The following GPC5 variants were observed in gnomAD, a reference collection of about 807,000 sequenced individuals.
The protein encoded by GPC5 is glypican-5.
In GPC5, 47 loss-of-function variants were observed where a neutral mutation model predicts 53.9. That is an observed-to-expected ratio of 0.87 (90% CI 0.69 to 1.11). The LOEUF is 1.11. Ranked by LOEUF, GPC5 falls within the 50% of genes most tolerant of loss-of-function variation. GPC5 has a pLI of 0.00. For missense variants in GPC5, 748 were observed against 713.1 expected (o/e 1.05, Z -0.56); for synonymous variants, 286 against 263.3 (o/e 1.09, Z -0.84).
chr13:92,729,404 A>G (rs777742849), intron 7 of GPC5, among the ~76,000 whole-genome samples: 1 of 151,444 alleles, frequency 6.6e-6, no homozygotes, highest in Non-Finnish European at 1.5e-5. Flanking sequence ...CACACAATGT[A>G]TTTCAAAATC....
chr13:92,778,247 GA>G (rs1434392059), intron 7 of GPC5, among the ~76,000 whole-genome samples: 19 of 151,552 alleles, frequency 1.3e-4, no homozygotes, highest in African/African-American at 4.1e-4. Flanking sequence ...GTTTTATAAA[GA>G]ATGCTTCCAG....
At chr13:91,657,825 A>G (rs2034884840) in intron 2 of GPC5, among the ~76,000 whole-genome samples, 1 of 152,140 alleles carries the variant, frequency 6.6e-6, no homozygotes, top group South Asian at 2.1e-4. Context: ...ACAATATAGA[A>G]AGACTCAGTT....
intron 7 of GPC5, among the ~76,000 whole-genome samples, chr13:92,255,901 T>A (rs1211246416): frequency 6.6e-6 from 1 of 152,128 alleles, no homozygotes; most frequent in Non-Finnish European, 1.5e-5. Flanking sequence ...ACAGAGTGTT[T>A]AGAAGGAAGG....
chr13:91,494,454 C>A (rs865997219), intron 2 of GPC5, among the ~76,000 whole-genome samples: 1 of 151,952 alleles, frequency 6.6e-6, no homozygotes, highest in South Asian at 2.1e-4. Flanking sequence ...CTAGAATGTA[C>A]TTTCTCCAGC....
At chr13:92,395,652 G>A (rs945345297) in intron 7 of GPC5, among the ~76,000 whole-genome samples, 1 of 151,794 alleles carries the variant, frequency 6.6e-6, no homozygotes, top group African/African-American at 2.4e-5. Flanking sequence ...TCTTTATTTT[G>A]CCTTCACTTT....
At chr13:92,111,460 C>T (rs547574134) in intron 6 of GPC5, among the ~76,000 whole-genome samples, 17 of 151,990 alleles carry the variant, frequency 1.1e-4, no homozygotes, top group Non-Finnish European at 1.0e-4. Flanking sequence ...GCAAATGAAA[C>T]AAGATTCTGT....
intron 6 of GPC5, among the ~76,000 whole-genome samples, chr13:92,029,657 A>G (rs1487624719): frequency 6.6e-6 from 1 of 152,148 alleles, no homozygotes; most frequent in Non-Finnish European, 1.5e-5. Context: ...CTATGCGATT[A>G]ATGTATAGGT....
chr13:91,926,721 G>A (rs2039772934), intron 6 of GPC5, among the ~76,000 whole-genome samples: 1 of 152,180 alleles, frequency 6.6e-6, no homozygotes, highest in African/African-American at 2.4e-5. Flanking sequence ...CCTTAGAGAT[G>A]GAGATTGGGG....
chr13:92,603,193 CAAG>C (rs1213673056), intron 7 of GPC5, among the ~76,000 whole-genome samples: 2 of 152,118 alleles, frequency 1.3e-5, no homozygotes, highest in Non-Finnish European at 2.9e-5. Context: ...ACTCAGTTTC[CAAG>C]AACTGGCCAA....
intron 6 of GPC5, among the ~76,000 whole-genome samples, chr13:92,085,677 A>G (rs1484710166): frequency 6.6e-6 from 1 of 152,192 alleles, no homozygotes; most frequent in Non-Finnish European, 1.5e-5. Context: ...GGGAGCCCTG[A>G]GCTTGTTTTC....
intron 2 of GPC5, among the ~76,000 whole-genome samples, chr13:91,471,585 G>T (rs544308336): frequency 1.2e-4 from 19 of 152,152 alleles, no homozygotes; most frequent in African/African-American, 4.3e-4. Flanking sequence ...TTGATGAAGA[G>T]CACCATTAGA....
At chr13:91,691,095 T>C (rs558387486) in intron 2 of GPC5, among the ~76,000 whole-genome samples, 1 of 152,334 alleles carries the variant, frequency 6.6e-6, no homozygotes, top group South Asian at 2.1e-4. Flanking sequence ...GAGATTCAAT[T>C]CCGTTTTCAC....
intron 6 of GPC5, among the ~76,000 whole-genome samples, chr13:92,077,680 G>A (rs1332587977): frequency 5.3e-5 from 8 of 152,164 alleles, no homozygotes; most frequent in Admixed American, 2.6e-4. Context: ...AGGTTGTACG[G>A]TGCACAGAAG....
At chr13:91,834,478 C>G (rs1175333204) in intron 5 of GPC5, among the ~76,000 whole-genome samples, 1 of 152,136 alleles carries the variant, frequency 6.6e-6, no homozygotes, top group African/African-American at 2.4e-5. Context: ...AGGCATCACA[C>G]TACCTGACTT....
At chr13:92,305,192 A>G (rs1236235879) in intron 7 of GPC5, among the ~76,000 whole-genome samples, 1 of 152,198 alleles carries the variant, frequency 6.6e-6, no homozygotes, top group Non-Finnish European at 1.5e-5. Flanking sequence ...CTACACCAAC[A>G]CACATCACCG....
At chr13:91,630,036 A>G (rs2034116324) in intron 2 of GPC5, among the ~76,000 whole-genome samples, 1 of 152,110 alleles carries the variant, frequency 6.6e-6, no homozygotes, top group Non-Finnish European at 1.5e-5. Context: ...AGTCTCTAGG[A>G]GACACTGAGC....
intron 5 of GPC5, among the ~76,000 whole-genome samples, chr13:91,785,743 C>T (rs1451819286): frequency 6.6e-6 from 1 of 152,190 alleles, no homozygotes; most frequent in Non-Finnish European, 1.5e-5. Context: ...TTCACCTTAT[C>T]CACATTCCAC....
intron 2 of GPC5, among the ~76,000 whole-genome samples, chr13:91,532,979 A>C (rs764707200): frequency 6.6e-6 from 1 of 152,224 alleles, no homozygotes. Context: ...TTCAGTTCTT[A>C]TTGGTAAATT....
intron 2 of GPC5, among the ~76,000 whole-genome samples, chr13:91,552,419 C>A (rs987755323): frequency 3.9e-5 from 6 of 151,956 alleles, no homozygotes; most frequent in African/African-American, 1.4e-4. Flanking sequence ...GAATTAAAGA[C>A]ACACACACAG....
Sources: allele counts gnomAD v4.1 joint callset (sites outside exome capture counted in the v4.1 genomes callset), GRCh38; gene constraint gnomAD v4.1.1; transcripts MANE v1.5; gene names NCBI Gene and HGNC (gene_info 2026-07-23, HGNC 2026-07-21).